Variants in TCFL5 observed in about 807,000 individuals in gnomAD.
TCFL5 encodes the protein transcription factor-like 5 protein.
TCFL5 carries 9 observed loss-of-function variants against 44.3 expected under a neutral mutation model. The ratio of observed to expected loss-of-function variants is 0.20; its 90% CI spans 0.12 to 0.35. The LOEUF is 0.35. Among genes scored for constraint, TCFL5 ranks in the 10% least tolerant of loss-of-function variants. The pLI, the probability that TCFL5 is intolerant of heterozygous loss-of-function variation, is 1.00. For synonymous variants in TCFL5, 319 were observed against 271.6 expected, an observed-to-expected ratio of 1.17 and a Z score of -1.72; for missense variants, 603 against 613.4, an observed-to-expected ratio of 0.98 and a Z score of 0.18.
At position 62,841,006 on chromosome 20, in the gene TCFL5, G is replaced by C. The variant is rs912326450; in HGVS notation, c.*969C>G. 1 of 445,502 alleles carries C rather than the reference G, an allele frequency of 2.2e-6. No individual in the cohort carries two copies. Among genetic ancestry groups the C allele is most frequent in the Non-Finnish European group, 4.1e-6 (1 of 244,134 alleles). 27.6% of individuals were successfully genotyped at this position (445,502 alleles called of 1,614,324 possible). A position where few individuals can be genotyped will look rare whatever the true frequency, so the allele number is the denominator to read the frequency against. On this transcript the variant is annotated 3_prime_UTR_variant, in exon 6 of 6. Coordinates refer to ENST00000335351, the MANE Select transcript of TCFL5 (RefSeq NM_006602.4). Reference sequence around the variant, plus strand: ...TATAAAAGGTTGTGTACAACTCCACGAGGTGAAAAATATTCAGTAACTTGT... The same window carrying C: ...TATAAAAGGTTGTGTACAACTCCACCAGGTGAAAAATATTCAGTAACTTGT...
At position 62,861,222 on chromosome 20, in the gene TCFL5, G is replaced by A. The variant is rs775686220; in HGVS notation, c.449C>T (p.Ala150Val). 5.1e-5 allele frequency: 59 copies of A among 1,146,882 alleles called. No homozygotes were observed. Among genetic ancestry groups the A allele is most frequent in the Admixed American group, 3.6e-5 (1 of 27,952 alleles). 71.0% of individuals were successfully genotyped at this position (1,146,882 alleles called of 1,614,324 possible). A position where few individuals can be genotyped will look rare whatever the true frequency, so the allele number is the denominator to read the frequency against. Residue 150 changes from alanine (A) to valine (V), a missense_variant, in exon 1 of 6, where the codon GCG becomes GTG. Physicochemically the swap from Ala to Val is moderately conservative, Grantham distance 64 (BLOSUM62 0). Transcript: ENST00000335351. The surrounding 1 kb of genome is among the most constrained non-coding windows in gnomAD (Gnocchi z 4.0). ...AEKTSGGGDGARARADGAAKE... is the reference protein window; with the variant it reads ...AEKTSGGGDGVRARADGAAKE... ...GGCGGCGCCGTCGGCCCGGGCCCTCGCTCCGTCCCCGCCGCCCGACGTCTT... is the reference window on the plus strand; with the variant it reads ...GGCGGCGCCGTCGGCCCGGGCCCTCACTCCGTCCCCGCCGCCCGACGTCTT...
At chr20:62,852,695 G>T (rs138423853) in intron 5 of TCFL5, 42 of 933,122 alleles carry the variant, frequency 4.5e-5, no homozygotes, top group African/African-American at 3.0e-4. Flanking sequence ...CAGAAGTACA[G>T]TCACCCGGTC....
intron 5 of TCFL5, among the ~76,000 whole-genome samples, chr20:62,853,078 G>C (rs1436757186): frequency 6.8e-6 from 1 of 146,578 alleles, no homozygotes; most frequent in Admixed American, 6.8e-5. Context: ...CCGGTCCGCA[G>C]AAGCACAGTC....
intron 5 of TCFL5, chr20:62,852,908 C>A: frequency 7.8e-7 from 1 of 1,289,566 alleles, no homozygotes; most frequent in Non-Finnish European, 1.0e-6. Flanking sequence ...TACATTCACC[C>A]AGTCAGCAGA....
intron 5 of TCFL5, chr20:62,852,672 T>C: frequency 3.1e-6 from 3 of 975,354 alleles, no homozygotes; most frequent in Non-Finnish European, 3.6e-6. Context: ...CAGAAGTATA[T>C]TCACCCGGTC....
At chr20:62,848,915 C>T (rs973785839) in intron 5 of TCFL5, among the ~76,000 whole-genome samples, 2 of 151,618 alleles carry the variant, frequency 1.3e-5, no homozygotes, top group African/African-American at 4.8e-5. Context: ...AATGGTAATC[C>T]CAGCACTTTG....
At chr20:62,849,031 G>A (rs2063777198) in intron 5 of TCFL5, among the ~76,000 whole-genome samples, 2 of 152,172 alleles carry the variant, frequency 1.3e-5, no homozygotes, top group African/African-American at 2.4e-5. Flanking sequence ...AGCCGGGCAT[G>A]GTGGGCCATG....
At chr20:62,854,476 C>T (rs969883235) in intron 4 of TCFL5, among the ~76,000 whole-genome samples, 1 of 152,214 alleles carries the variant, frequency 6.6e-6, no homozygotes, top group African/African-American at 2.4e-5. Context: ...TCCAAAGCCC[C>T]TGAAACTGGA....
At chr20:62,851,744 G>A (rs1186943054) in intron 5 of TCFL5, 8 of 985,318 alleles carry the variant, frequency 8.1e-6, no homozygotes, top group Non-Finnish European at 9.6e-6. Context: ...TGGCGCTGAA[G>A]AGACGAGCCC....
intron 5 of TCFL5, chr20:62,852,434 GTGAC>G: frequency 1.0e-6 from 1 of 959,958 alleles, no homozygotes; most frequent in Non-Finnish European, 1.2e-6. Context: ...AACCAGCCCT[GTGAC>G]TGACACCTTC....
rs943902529 is a variant in TCFL5, at chr20:62,841,674, A to G, written c.*301T>C. On this transcript the variant is annotated 3_prime_UTR_variant, in exon 6 of 6. Transcript: ENST00000335351. Reference sequence around the variant, plus strand: ...GTCAATTTTTTAAGTTATCATGTTAAGAAAACATGATGGAATCAGAGCATT... The same window carrying G: ...GTCAATTTTTTAAGTTATCATGTTAGGAAAACATGATGGAATCAGAGCATT... The G allele has an allele frequency of 6.4e-5, 13 of 203,970 alleles. No homozygotes were observed. Among genetic ancestry groups the G allele is most frequent in the African/African-American group, 2.8e-4 (12 of 43,272 alleles). The allele number at this position is 203,970 out of a possible 1,614,324, so 12.6% of individuals were successfully genotyped here. A position where few individuals can be genotyped will look rare whatever the true frequency, so the allele number is the denominator to read the frequency against.
chr20:62,857,728 A>G (rs2063916986), intron 3 of TCFL5, 90 bp from the exon 4 acceptor site: 1 of 1,458,942 alleles, frequency 6.9e-7, no homozygotes, highest in Non-Finnish European at 9.2e-7. Context: ...AATCCAAGAT[A>G]TAAACATTAT....
At chr20:62,853,431 C>T (rs1474893704) in intron 5 of TCFL5, among the ~76,000 whole-genome samples, 6 of 151,886 alleles carry the variant, frequency 4.0e-5, no homozygotes, top group Admixed American at 1.3e-4. Context: ...ACTGCAGCCT[C>T]GACCTCCCTG....
intron 3 of TCFL5, among the ~76,000 whole-genome samples, chr20:62,857,949 C>A: frequency 6.7e-6 from 1 of 149,712 alleles, no homozygotes; most frequent in South Asian, 2.1e-4. Flanking sequence ...TCTATGAATA[C>A]AGAAAACAAG....
At chr20:62,851,107 T>C (rs1028470682) in intron 5 of TCFL5, among the ~76,000 whole-genome samples, 2 of 152,224 alleles carry the variant, frequency 1.3e-5, no homozygotes, top group Non-Finnish European at 1.5e-5. Context: ...AAAACTCTCA[T>C]GTATTACGTC....
rs1007422289 is a variant in TCFL5 at position 62,861,002 on chromosome 20, C to T, written c.647+22G>A. On this transcript the variant is annotated intron_variant, in intron 1 of 5. Transcript: ENST00000335351. The surrounding 1 kb of genome is among the most constrained non-coding windows in gnomAD (Gnocchi z 4.0). ...TCGGCCTCCACCCGGGCCCCGCCAG[C>T]CCCCGGCCGCCGGGCACGCACTTGT... 2 of 992,518 alleles carry T rather than the reference C, an allele frequency of 2.0e-6. No individual in the cohort carries two copies. Among genetic ancestry groups the T allele is most frequent in the South Asian group, 4.5e-5 (1 of 22,148 alleles). 61.5% of individuals were successfully genotyped at this position (992,518 alleles called of 1,614,324 possible).
intron 5 of TCFL5, 144 bp downstream of exon 5, chr20:62,853,872 G>A: frequency 2.5e-6 from 2 of 814,838 alleles, no homozygotes; most frequent in Non-Finnish European, 3.9e-6. Context: ...TCATTAAAGA[G>A]CAGAGCTTTG....
chr20:62,848,985 TG>T (rs1392061432), intron 5 of TCFL5, among the ~76,000 whole-genome samples: 4 of 151,994 alleles, frequency 2.6e-5, no homozygotes, highest in Admixed American at 6.6e-5. Flanking sequence ...CTGGCCAACA[TG>T]GTGAAACCTG....
intron 3 of TCFL5, among the ~76,000 whole-genome samples, chr20:62,858,221 G>A (rs868493666): frequency 5.3e-5 from 8 of 152,228 alleles, no homozygotes; most frequent in African/African-American, 1.2e-4. Context: ...TTTCTGCTGC[G>A]TGACAGGCTA....
Sources: gnomAD v4.1 joint callset for allele counts (sites outside exome capture counted in the v4.1 genomes callset) on GRCh38, gnomAD v4.1.1 for gene constraint, Gnocchi (gnomAD v3.1) non-coding constraint, MANE v1.5 for transcripts, NCBI Gene and HGNC (gene_info 2026-07-23, HGNC 2026-07-21) for gene names.